Variants in FAM240C observed in about 807,000 individuals in gnomAD.
FAM240C encodes protein FAM240C.
A neutral mutation model predicts 10.0 loss-of-function variants in FAM240C; 14 were observed. The ratio of observed to expected loss-of-function variants is 1.40; its 90% CI spans 0.92 to 2.19. The LOEUF (loss-of-function observed/expected upper bound fraction) is 2.19. FAM240C is among the 30% of genes most tolerant of loss of function. The pLI, the probability that FAM240C is intolerant of heterozygous loss-of-function variation, is 0.00. For missense variants in FAM240C, 154 were observed against 122.3 expected (o/e 1.26, Z -1.22); for synonymous variants, 49 against 44.3 (o/e 1.11, Z -0.42).
chr2:241,897,416 A>G (rs1324144482), intron 1 of FAM240C, 82 bp from the exon 2 acceptor site: 2 of 1,469,996 alleles, frequency 1.4e-6, no homozygotes, highest in East Asian at 2.5e-5. Flanking sequence ...CCCGGATGGC[A>G]GAGGAGCTGG....
intron 1 of FAM240C, 114 bp from the exon 2 acceptor site, chr2:241,897,448 C>A (rs1701879674): frequency 9.2e-6 from 12 of 1,298,714 alleles, no homozygotes; most frequent in Non-Finnish European, 6.3e-6. Context: ...GCATCGTGGT[C>A]CCCGCCTTCC....
chr2:241,900,484 C>T (rs1701957953), upstream of FAM240C: 2 of 683,836 alleles, frequency 2.9e-6, no homozygotes, highest in African/African-American at 1.8e-5. This position sits in a 1 kb window ranked among gnomAD's most constrained non-coding sequence, Gnocchi z 4.5. Flanking sequence ...CAGTGACACG[C>T]ATGCTTGGCG....
chr2:241,900,428 G>C lies in FAM240C; in HGVS notation c.-59C>G, dbSNP rs372951083. 2 of 716,164 alleles carry C rather than the reference G, an allele frequency of 2.8e-6. No homozygotes were observed. Among genetic ancestry groups the C allele is most frequent in the African/African-American group, 3.5e-5 (2 of 57,194 alleles). 44.4% of individuals were successfully genotyped at this position (716,164 alleles called of 1,614,324 possible). ...TGAGGGTCCTCAGCCTGTCCTCTCCGGGGTGCACGCCTGTATCTCGCCTGC... is the reference window on the plus strand; with the variant it reads ...TGAGGGTCCTCAGCCTGTCCTCTCCCGGGTGCACGCCTGTATCTCGCCTGC... On this transcript the variant is annotated 5_prime_UTR_variant, in exon 1 of 3. Transcript: ENST00000404031. The surrounding 1 kb of genome is among the most constrained non-coding windows in gnomAD (Gnocchi z 4.5).
upstream of FAM240C, among the ~76,000 whole-genome samples, chr2:241,901,757 G>A (rs1701988273): frequency 6.6e-6 from 1 of 152,236 alleles, no homozygotes; most frequent in South Asian, 2.1e-4. This position sits in a 1 kb window ranked among gnomAD's most constrained non-coding sequence, Gnocchi z 4.9. Flanking sequence ...ACCTAAAAAC[G>A]GAAAGGAATA....
In FAM240C at chr2:241,896,502, AG is replaced by A. The variant is rs1188901992; in HGVS notation, c.161+683del. On this transcript the variant is annotated intron_variant, in intron 2 of 2. Coordinates refer to ENST00000404031, the MANE Select transcript of FAM240C (RefSeq NM_001382368.1). ...TGGCGGGGGAAGGGGGTGTGGGTGAAGGGGGTGTGGGTGTTGGGGTGTGGGT... is the reference window on the plus strand; with the variant it reads ...TGGCGGGGGAAGGGGGTGTGGGTGAAGGGGTGTGGGTGTTGGGGTGTGGGT... 3.4e-3 allele frequency among the ~76,000 whole-genome samples: 25 copies of A among 7,462 alleles called. 3 individuals carry two copies. Among genetic ancestry groups the A allele is most frequent in the East Asian group, 0.03 (3 of 100 alleles). 4.9% of individuals were successfully genotyped at this position (7,462 alleles called of 152,430 possible).
At chr2:241,899,033 G>T in intron 1 of FAM240C, 1 of 960,008 alleles carries the variant, frequency 1.0e-6, no homozygotes, top group Non-Finnish European at 1.5e-6. Context: ...TGCTGGGGAA[G>T]AACACAGGGT....
intron 2 of FAM240C, 92 bp from the exon 3 acceptor site, chr2:241,894,431 G>A (rs1184825724): frequency 1.4e-6 from 2 of 1,405,806 alleles, no homozygotes; most frequent in Non-Finnish European, 9.6e-7. Context: ...GGGCACCTGT[G>A]AGAGCAGGAG....
rs1441854298 is a variant in FAM240C, at chr2:241,894,583, GGGGGGC to G, written c.162-250_162-245del. Among the ~76,000 whole-genome samples the G allele has an allele frequency of 3.4e-5, 5 of 145,568 alleles. No homozygotes were observed. The East Asian group carries it at 9.9e-4, about 29-fold the overall frequency. ...CTGACCAGTGGTTGGTGGGGGGGGG[GGGGGGC>G]GTCTCACTCAGGACCCTCCTCACAG... On this transcript the variant is annotated intron_variant, in intron 2 of 2. Coordinates refer to ENST00000404031, the MANE Select transcript of FAM240C (RefSeq NM_001382368.1).
At chr2:241,896,485 G>A (rs62191176) in intron 2 of FAM240C, among the ~76,000 whole-genome samples, 30,050 of 76,770 alleles carry the variant, frequency 0.39, 4,483 homozygotes, top group African/African-American at 0.51. Flanking sequence ...GATGGCGGGG[G>A]AAGGGGGTGT....
chr2:241,897,948 C>T lies in FAM240C; in HGVS notation c.13-614G>A, dbSNP rs182792001. Reference sequence around the variant, plus strand: ...TTGGGTCTCACTATGTTGCCCAGGCCGGTCTTGAGCTCCTGGGCTCAAGCA... The same window carrying T: ...TTGGGTCTCACTATGTTGCCCAGGCTGGTCTTGAGCTCCTGGGCTCAAGCA... On this transcript the variant is annotated intron_variant, in intron 1 of 2. Transcript: ENST00000404031. Among the ~76,000 whole-genome samples, 6 of 152,232 alleles carry T rather than the reference C, an allele frequency of 3.9e-5. No homozygotes were observed. The East Asian group carries it at 5.8e-4, about 15-fold the overall frequency.
chr2:241,900,365 A>G lies in FAM240C; in HGVS notation c.5T>C (p.Val2Ala), dbSNP rs980732338. 4 of 716,824 alleles carry G rather than the reference A, an allele frequency of 5.6e-6. No homozygotes were observed. The highest frequency in any genetic ancestry group is 3.5e-5 in the African/African-American group (2 of 57,156). 44.4% of individuals were successfully genotyped at this position (716,824 alleles called of 1,614,324 possible). ...ACATCACAGAGAGCTTACTTTTCCA[A>G]CCATTTCTCAGTGACGGGCAGGTTT... M[V>A]GKNMSKSLTL... The change falls in exon 1 of 3, where the codon GTT (valine) becomes GCT (alanine). Residue 2 changes from valine to alanine, a missense_variant. By Grantham distance (64) the Val-to-Ala change is moderately conservative. Coordinates refer to ENST00000404031, the MANE Select transcript of FAM240C (RefSeq NM_001382368.1). The surrounding 1 kb of genome is among the most constrained non-coding windows in gnomAD (Gnocchi z 4.5).
At chr2:241,902,142 T>G (rs546873882), upstream of FAM240C, among the ~76,000 whole-genome samples, 2 of 152,270 alleles carry the variant, frequency 1.3e-5, no homozygotes, top group Admixed American at 6.5e-5. This position sits in a 1 kb window ranked among gnomAD's most constrained non-coding sequence, Gnocchi z 7.1. Context: ...CGTTTGCGTT[T>G]CTTCCTCTTT....
At chr2:241,898,824 C>T (rs892915878) in intron 1 of FAM240C, among the ~76,000 whole-genome samples, 1 of 152,156 alleles carries the variant, frequency 6.6e-6, no homozygotes, top group Non-Finnish European at 1.5e-5. Flanking sequence ...GGCGGTGGGT[C>T]TCGGAATGAA....
chr2:241,895,861 G>T (rs1219187254), intron 2 of FAM240C, among the ~76,000 whole-genome samples: 1 of 151,864 alleles, frequency 6.6e-6, no homozygotes, highest in South Asian at 2.1e-4. Context: ...GCACATGCAG[G>T]CACACGCAGA....
Position 241,897,247 on chromosome 2 carries a change from C to G in FAM240C, c.100G>C (p.Glu34Gln). 4 of 1,549,896 alleles carry G rather than the reference C, an allele frequency of 2.6e-6. No homozygotes were observed. The highest frequency in any genetic ancestry group is 2.4e-5 in the East Asian group (1 of 40,928). The stretch of plus-strand genomic sequence containing the variant: ...TTCTGCAGGTGTCTTGCGTGATGCT[C>G]GATTTTTTTCTCCCAAAACATCTTT... ...GIKMFWEKKI[E>Q]HHARHLQNED... The change falls in exon 2 of 3, where the codon GAG becomes CAG. Residue 34 changes from glutamate (E) to glutamine (Q), a missense_variant. Glu to Gln is a conservative substitution (Grantham distance 29). Transcript: ENST00000404031.
At position 241,897,214 on chromosome 2, in the gene FAM240C, T is replaced by A; in HGVS notation, c.133A>T (p.Ile45Phe). 6.5e-7 allele frequency: 1 copy of A among 1,549,974 alleles called. No individual in the cohort carries two copies. The highest frequency in any genetic ancestry group is 8.7e-7 in the Non-Finnish European group (1 of 1,146,506). Reference protein sequence around the residue: ...HHARHLQNEDIRVRRSALNKL... With the variant: ...HHARHLQNEDFRVRRSALNKL... The stretch of plus-strand genomic sequence containing the variant: ...TTCAGAGCGCTTCTGCGAACCCTGA[T>A]GTCCTCGTTCTGCAGGTGTCTTGCG... The change falls in exon 2 of 3, where the codon ATC becomes TTC. Residue 45 changes from isoleucine (I) to phenylalanine (F), a missense_variant. Transcript: ENST00000404031.
chr2:241,901,898 T>C (rs190856333), upstream of FAM240C, among the ~76,000 whole-genome samples: 505 of 152,122 alleles, frequency 3.3e-3, 6 homozygotes, highest in East Asian at 9.1e-3. This position sits in a 1 kb window ranked among gnomAD's most constrained non-coding sequence, Gnocchi z 4.9. Context: ...CAACCAGCAA[T>C]CACAACACCG....
At chr2:241,901,433 CAT>C (rs1701981740), upstream of FAM240C, among the ~76,000 whole-genome samples, 1 of 152,208 alleles carries the variant, frequency 6.6e-6, no homozygotes, top group South Asian at 2.1e-4. The surrounding 1 kb of genome is among the most constrained non-coding windows in gnomAD (Gnocchi z 4.9). Flanking sequence ...CGTTTACTAT[CAT>C]AAAGCAGACG....
chr2:241,894,838 T>A (rs1446079588), intron 2 of FAM240C, among the ~76,000 whole-genome samples: 1 of 152,030 alleles, frequency 6.6e-6, no homozygotes, highest in East Asian at 1.9e-4. Flanking sequence ...CACTTCCTTC[T>A]CGCTTGCCTG....
Sources: allele counts gnomAD v4.1 joint callset (sites outside exome capture counted in the v4.1 genomes callset), GRCh38; gene constraint gnomAD v4.1.1; non-coding constraint Gnocchi (gnomAD v3.1); transcripts MANE v1.5; gene names NCBI Gene and HGNC (gene_info 2026-07-23, HGNC 2026-07-21).